Variants in SPEF2 observed in about 807,000 individuals in gnomAD.
SPEF2 encodes the protein sperm flagellar and cilia associated 2, also known as sperm flagella and cilia-associated protein 2.
In SPEF2, 187 loss-of-function variants were observed where a neutral mutation model predicts 224.6. The observed-to-expected ratio is 0.83, with a 90% CI of 0.74 to 0.94. The LOEUF (loss-of-function observed/expected upper bound fraction) is 0.94. Among genes scored for constraint, SPEF2 ranks in the 40% least tolerant of loss-of-function variants. SPEF2 has a pLI of 0.00. For missense variants in SPEF2, 2,170 were observed against 2,135.6 expected (o/e 1.02, Z -0.32); for synonymous variants, 715 against 707.3 (o/e 1.01, Z -0.17).
Position 35,641,569 on chromosome 5 carries a change from G to T in SPEF2, c.300G>T (p.Leu100Phe). 6.2e-7 allele frequency: 1 copy of T among 1,613,794 alleles called. No individual in the cohort carries two copies. The highest frequency in any genetic ancestry group is 8.5e-7 in the Non-Finnish European group (1 of 1,179,828). ...PGVATKLLYQ[L>F]YIALQKKKKS... Reference sequence around the variant, plus strand: ...TGGCAACAAAGCTGTTATATCAATTGTACATTGCTCTTCAGAAAAAGAAGA... The same window carrying T: ...TGGCAACAAAGCTGTTATATCAATTTTACATTGCTCTTCAGAAAAAGAAGA... Residue 100 changes from leucine to phenylalanine, a missense_variant, in exon 3 of 37, where the codon TTG (leucine) becomes TTT (phenylalanine). By Grantham distance (22) the Leu-to-Phe change is conservative. Transcript: ENST00000356031.
At chr5:35,661,261 TATATATATATATATATATA>T in intron 8 of SPEF2, among the ~76,000 whole-genome samples, 1 of 9,512 alleles carries the variant, frequency 1.1e-4, no homozygotes. Context: ...ATATTATATA[TATATATATATATATATATA>T]TATATATATA....
At chr5:35,676,011 C>T in intron 10 of SPEF2, 2 of 456,052 alleles carry the variant, frequency 4.4e-6, no homozygotes, top group Non-Finnish European at 8.8e-6. Flanking sequence ...ATTTGAAAAC[C>T]ATGGTAGAAA....
chr5:35,661,261 TATATATATATATA>T (rs1192570685), intron 8 of SPEF2, among the ~76,000 whole-genome samples: 2 of 9,510 alleles, frequency 2.1e-4, no homozygotes, highest in African/African-American at 8.7e-4. Flanking sequence ...ATATTATATA[TATATATATATATA>T]TATATATATA....
rs1561163628 is a variant in SPEF2, at chr5:35,667,265, T to A, written c.1355+6T>A. The A allele has an allele frequency of 3.8e-6, 6 of 1,591,684 alleles. No homozygotes were observed. Among genetic ancestry groups the A allele is most frequent in the Non-Finnish European group, 5.1e-6 (6 of 1,167,290 alleles). Reference sequence around the variant, plus strand: ...TATCGAATGTTGACAAATAAGTAAGTATTTTTTTTGTAATAACAGTAGAGA... The same window carrying A: ...TATCGAATGTTGACAAATAAGTAAGAATTTTTTTTGTAATAACAGTAGAGA... On this transcript the variant is annotated splice_donor_region_variant and intron_variant, in intron 9 of 36. Transcript: ENST00000356031.
At chr5:35,778,963 G>A (rs1753962444) in intron 29 of SPEF2, among the ~76,000 whole-genome samples, 154 bp from the exon 30 acceptor site, 1 of 152,134 alleles carries the variant, frequency 6.6e-6, no homozygotes, top group African/African-American at 2.4e-5. Context: ...TTACAAAATA[G>A]ATTTGGGGAC....
intron 20 of SPEF2, among the ~76,000 whole-genome samples, chr5:35,713,172 T>G (rs370399418): frequency 2.2e-4 from 33 of 152,290 alleles, no homozygotes; most frequent in African/African-American, 7.5e-4. Context: ...GACTAAGCTG[T>G]GCCATCCGAA....
At position 35,670,164 on chromosome 5, in the gene SPEF2, A is replaced by G. The variant is rs113984316; in HGVS notation, c.1461A>G (p.Arg487=). 1.2e-6 allele frequency: 2 copies of G among 1,612,324 alleles called. No homozygotes were observed. Among genetic ancestry groups the G allele is most frequent in the African/African-American group, 2.7e-5 (2 of 74,870 alleles). ...SVKTLPANPS[R]EQLTELEKRD... is the part of the protein sequence containing the mutation. ...AGACACTACCTGCTAACCCCTCAAGAGAACAACTTACAGAACTGGAGAAAA... is the reference window on the plus strand; with the variant it reads ...AGACACTACCTGCTAACCCCTCAAGGGAACAACTTACAGAACTGGAGAAAA... Residue 487 remains arginine, a synonymous_variant, in exon 10 of 37, where the codon AGA becomes AGG. Coordinates refer to ENST00000356031, the MANE Select transcript of SPEF2 (RefSeq NM_024867.4).
At chr5:35,674,236 C>T (rs925119309) in intron 10 of SPEF2, among the ~76,000 whole-genome samples, 1 of 151,922 alleles carries the variant, frequency 6.6e-6, no homozygotes, top group Non-Finnish European at 1.5e-5. Flanking sequence ...GCCAGTTTGA[C>T]TCCCCAGTGA....
chr5:35,635,643 G>A (rs913670784), intron 2 of SPEF2, among the ~76,000 whole-genome samples: 14 of 152,038 alleles, frequency 9.2e-5, no homozygotes, highest in African/African-American at 2.9e-4. Context: ...AACAGTTGTT[G>A]GCCAAAGATT....
intron 20 of SPEF2, among the ~76,000 whole-genome samples, chr5:35,721,514 C>A (rs1156859946): frequency 6.6e-6 from 1 of 152,122 alleles, no homozygotes; most frequent in East Asian, 1.9e-4. Context: ...TCTCAAAACC[C>A]AAAAAGCAGT....
At position 35,729,881 on chromosome 5, in the gene SPEF2, G is replaced by A. The variant is rs114298863; in HGVS notation, c.3063+2058G>A. On this transcript the variant is annotated intron_variant, in intron 21 of 36. Transcript: ENST00000356031. ...CCTCATTTTCTCTTGCCGCTGCCAC[G>A]TAAGAAGTGTCTTTCACCTCATACC... 9.7e-3 allele frequency among the ~76,000 whole-genome samples: 1,472 copies of A among 152,120 alleles called. 27 individuals carry two copies. Among genetic ancestry groups the A allele is most frequent in the African/African-American group, 0.033 (1,354 of 41,484 alleles).
At chr5:35,723,748 G>C (rs565754178) in intron 20 of SPEF2, among the ~76,000 whole-genome samples, 1 of 152,206 alleles carries the variant, frequency 6.6e-6, no homozygotes, top group Non-Finnish European at 1.5e-5. Flanking sequence ...GAGGAAGTAT[G>C]ATGGGTTTAA....
Position 35,806,761 on chromosome 5 carries a change from G to C in SPEF2, c.5065G>C (p.Ala1689Pro). ...AEEFPEPEEN[A>P]AREERKLKDD... ...GGAATTTCCTGAACCTGAGGAAAAT[G>C]CTGCAAGAGAAGAAAGGAAATTAAA... The change falls in exon 35 of 37, where the codon GCT becomes CCT. Residue 1689 changes from alanine to proline, a missense_variant. By Grantham distance (27) the Ala-to-Pro change is conservative. Coordinates refer to ENST00000356031, the MANE Select transcript of SPEF2 (RefSeq NM_024867.4). 2.5e-6 allele frequency: 4 copies of C among 1,614,004 alleles called. No homozygotes were observed. Among genetic ancestry groups the C allele is most frequent in the Non-Finnish European group, 2.5e-6 (3 of 1,179,940 alleles).
chr5:35,793,456 C>G, intron 32 of SPEF2, 115 bp downstream of exon 32: 1 of 1,055,576 alleles, frequency 9.5e-7, no homozygotes, highest in Non-Finnish European at 1.3e-6. Context: ...CTTCTCAGCT[C>G]CCCATGTCTA....
At chr5:35,699,268 A>G (rs1195586334) in intron 15 of SPEF2, 1 of 152,218 alleles carries the variant, frequency 6.6e-6, no homozygotes, top group Non-Finnish European at 1.5e-5. Flanking sequence ...GACAGAAATA[A>G]ATGAAATTAT....
At chr5:35,751,912 C>T (rs1157131067) in intron 23 of SPEF2, among the ~76,000 whole-genome samples, 1 of 152,040 alleles carries the variant, frequency 6.6e-6, no homozygotes, top group African/African-American at 2.4e-5. Context: ...TGCAGTGGTC[C>T]CCAACCTTTT....
intron 3 of SPEF2, 70 bp from the exon 4 acceptor site, chr5:35,644,285 A>T: frequency 7.8e-7 from 1 of 1,282,706 alleles, no homozygotes; most frequent in South Asian, 2.1e-5. Context: ...GACAAATTTT[A>T]TTTGTGCTTA....
intron 25 of SPEF2, among the ~76,000 whole-genome samples, chr5:35,760,360 CT>C (rs66792488): frequency 0.25 from 35,904 of 146,152 alleles, 4,608 homozygotes; most frequent in South Asian, 0.29. Context: ...GAGACTCCGT[CT>C]AAAAAAAAAA....
intron 30 of SPEF2, chr5:35,789,113 T>C (rs933596383): frequency 1.4e-6 from 1 of 695,640 alleles, no homozygotes; most frequent in African/African-American, 1.8e-5. Flanking sequence ...GGAATAATAA[T>C]TTTGGGAAAG....
Sources: gnomAD v4.1 joint callset for allele counts (sites outside exome capture counted in the v4.1 genomes callset) on GRCh38, gnomAD v4.1.1 for gene constraint, MANE v1.5 for transcripts, NCBI Gene and HGNC (gene_info 2026-07-23, HGNC 2026-07-21) for gene names.